The following GRID2 variants were observed in gnomAD, a reference collection of about 807,000 sequenced individuals.
The protein encoded by GRID2 is glutamate receptor ionotropic, delta-2.
In GRID2, 33 loss-of-function variants were observed where a neutral mutation model predicts 114.8. The ratio of observed to expected loss-of-function variants is 0.29; its 90% CI spans 0.22 to 0.38. The LOEUF (loss-of-function observed/expected upper bound fraction) is 0.38, where lower values mean the gene tolerates loss of function less well. GRID2 is among the 10% of genes least tolerant of loss of function. GRID2 has a pLI of 1.00. For missense variants in GRID2, 1,184 were observed against 1,257.7 expected, an observed-to-expected ratio of 0.94 and a Z score of 0.89; for synonymous variants, 505 against 449.9, an observed-to-expected ratio of 1.12 and a Z score of -1.55.
chr4:93,117,240 G>C (rs1417126946), intron 4 of GRID2, among the ~76,000 whole-genome samples: 2 of 151,956 alleles, frequency 1.3e-5, no homozygotes, highest in East Asian at 1.9e-4. Flanking sequence ...GTGTATTTAT[G>C]TTGCCTTGCT....
At chr4:93,660,052 T>TA (rs997205322) in intron 14 of GRID2, among the ~76,000 whole-genome samples, 10 of 150,592 alleles carry the variant, frequency 6.6e-5, no homozygotes, top group South Asian at 2.1e-4. Flanking sequence ...GAGGCTTTTC[T>TA]AAAAAAAAAA....
intron 13 of GRID2, among the ~76,000 whole-genome samples, chr4:93,621,333 G>A (rs1237288691): frequency 6.6e-6 from 1 of 152,084 alleles, no homozygotes; most frequent in Non-Finnish European, 1.5e-5. Flanking sequence ...TTTGGGGTCT[G>A]GAGATTGAAA....
At position 92,428,086 on chromosome 4, in the gene GRID2, T is replaced by C. The variant is rs902661098; in HGVS notation, c.88+123342T>C. 5.3e-5 allele frequency among the ~76,000 whole-genome samples: 8 copies of C among 151,534 alleles called. 1 individual carries two copies. In the East Asian group the frequency reaches 1.6e-3, roughly 30 times the overall value. ...GACCATCCTGGCTAACACGGTGAAA[T>C]CCCGTCTCTACTAAAAATACAAAAA... On this transcript the variant is annotated intron_variant, in intron 1 of 15. Coordinates refer to ENST00000282020, the MANE Select transcript of GRID2 (RefSeq NM_001510.4).
At chr4:92,919,623 C>T (rs538451922) in intron 2 of GRID2, among the ~76,000 whole-genome samples, 1 of 152,268 alleles carries the variant, frequency 6.6e-6, no homozygotes, top group East Asian at 1.9e-4. Context: ...AGTAGTCATT[C>T]AGGAGCAGGT....
chr4:93,354,815 GAT>G (rs34883996), intron 8 of GRID2, among the ~76,000 whole-genome samples: 94,826 of 140,062 alleles, frequency 0.68, 32,508 homozygotes, highest in African/African-American at 0.8. Flanking sequence ...TTATAAATAA[GAT>G]ATATATATAT....
intron 2 of GRID2, among the ~76,000 whole-genome samples, chr4:92,885,366 C>T (rs1224994429): frequency 6.6e-6 from 1 of 152,080 alleles, no homozygotes; most frequent in African/African-American, 2.4e-5. Flanking sequence ...TTGAGAACTC[C>T]CATGTTATTG....
chr4:92,635,773 A>G lies in GRID2; in HGVS notation c.244+45487A>G, dbSNP rs1241434903. ...GAAAATGATCTTCAGTATTTCAATG[A>G]TTTCAGGTACACCATGTTGCTACCA... is the stretch of plus-strand genomic sequence containing the variant. On this transcript the variant is annotated intron_variant, in intron 2 of 15. Transcript: ENST00000282020. 2.6e-5 allele frequency among the ~76,000 whole-genome samples: 4 copies of G among 152,092 alleles called. No homozygotes were observed. In the East Asian group the frequency reaches 7.7e-4, roughly 29 times the overall value.
At chr4:93,018,172 A>T (rs1722944842) in intron 2 of GRID2, among the ~76,000 whole-genome samples, 1 of 151,352 alleles carries the variant, frequency 6.6e-6, no homozygotes, top group African/African-American at 2.4e-5. Flanking sequence ...GCTGCAATTT[A>T]TGAAGAATAA....
At chr4:93,379,118 T>C (rs1018236343) in intron 8 of GRID2, among the ~76,000 whole-genome samples, 19 of 152,042 alleles carry the variant, frequency 1.2e-4, no homozygotes, top group Non-Finnish European at 2.4e-4. Context: ...CTAAGCAAAC[T>C]CTATGAAAAA....
At chr4:93,365,420 A>G (rs570640452) in intron 8 of GRID2, among the ~76,000 whole-genome samples, 1 of 152,302 alleles carries the variant, frequency 6.6e-6, no homozygotes, top group African/African-American at 2.4e-5. Flanking sequence ...TAGGTATTCC[A>G]TGTATAGGTT....
intron 2 of GRID2, among the ~76,000 whole-genome samples, chr4:92,897,430 T>TAA (rs564591313): frequency 6.6e-6 from 1 of 151,532 alleles, no homozygotes; most frequent in African/African-American, 2.4e-5. Flanking sequence ...TTGTTTGTTT[T>TAA]AAAAAAAAAG....
chr4:93,492,958 T>C (rs899540177), intron 12 of GRID2, among the ~76,000 whole-genome samples: 10 of 151,832 alleles, frequency 6.6e-5, no homozygotes, highest in African/African-American at 2.4e-4. Context: ...TCTACGAGTT[T>C]GACTTTTCTA....
intron 10 of GRID2, 150 bp from the exon 11 acceptor site, chr4:93,455,512 T>C (rs1297143356): frequency 1.6e-5 from 10 of 607,908 alleles, no homozygotes; most frequent in African/African-American, 5.5e-5. Context: ...ATAGCTCTTC[T>C]GTAAGAAGTC....
chr4:93,507,587 T>G (rs966113661), intron 12 of GRID2, among the ~76,000 whole-genome samples: 19 of 152,322 alleles, frequency 1.2e-4, no homozygotes, highest in African/African-American at 4.6e-4. Context: ...TTTATAAGCA[T>G]TTCAATTAAG....
At chr4:93,342,805 C>T (rs773981569) in intron 8 of GRID2, among the ~76,000 whole-genome samples, 15 of 152,220 alleles carry the variant, frequency 9.9e-5, no homozygotes, top group Middle Eastern at 3.4e-3. Context: ...TTTATTCAAA[C>T]TGCATTAAAT....
chr4:93,774,646 T>C (rs1734319169), downstream of GRID2: 1 of 152,192 alleles, frequency 6.6e-6, no homozygotes, highest in Non-Finnish European at 1.5e-5. Flanking sequence ...AAAATTTATC[T>C]TGAGTTAATT....
At chr4:93,196,298 A>G (rs963792832) in intron 4 of GRID2, among the ~76,000 whole-genome samples, 1 of 152,136 alleles carries the variant, frequency 6.6e-6, no homozygotes, top group Non-Finnish European at 1.5e-5. Flanking sequence ...TTCAAAGACT[A>G]TACCTCCTGA....
At chr4:93,531,471 T>G (rs1731439249) in intron 13 of GRID2, among the ~76,000 whole-genome samples, 1 of 152,090 alleles carries the variant, frequency 6.6e-6, no homozygotes, top group Non-Finnish European at 1.5e-5. Flanking sequence ...ACAGGACAGG[T>G]GCTTTACTCA....
At chr4:93,019,974 C>T (rs1365843775) in intron 2 of GRID2, among the ~76,000 whole-genome samples, 3 of 152,118 alleles carry the variant, frequency 2.0e-5, no homozygotes, top group Admixed American at 2.0e-4. Flanking sequence ...AATCCGATTG[C>T]CTGTGTTCAG....
Sources: allele counts gnomAD v4.1 joint callset (sites outside exome capture counted in the v4.1 genomes callset), GRCh38; gene constraint gnomAD v4.1.1; transcripts MANE v1.5; gene names NCBI Gene and HGNC (gene_info 2026-07-23, HGNC 2026-07-21).